The following DPRX variants were observed in gnomAD, a reference collection of about 807,000 sequenced individuals.
The protein encoded by DPRX is divergent-paired related homeobox, also known as divergent paired-related homeobox.
In DPRX, 11 loss-of-function variants were observed where a neutral mutation model predicts 8.4. The observed-to-expected ratio is 1.31, with a 90% CI of 0.82 to 2.17. The LOEUF (loss-of-function observed/expected upper bound fraction) is 2.17. Among genes scored for constraint, DPRX ranks in the 30% most tolerant of loss-of-function variants. The pLI is 0.00. For synonymous variants in DPRX, 72 were observed against 87.0 expected, an observed-to-expected ratio of 0.83 and a Z score of 0.96; for missense variants, 211 against 236.7, an observed-to-expected ratio of 0.89 and a Z score of 0.71.
chr19:53,631,112 G>T (rs906435685), upstream of DPRX, among the ~76,000 whole-genome samples: 6 of 151,890 alleles, frequency 4.0e-5, no homozygotes, highest in Non-Finnish European at 5.9e-5. Flanking sequence ...CTCCCAAAGT[G>T]CTGGGATTAC....
the DPRX span, among the ~76,000 whole-genome samples, chr19:53,617,955 T>C: frequency 6.6e-6 from 1 of 151,808 alleles, no homozygotes; most frequent in Non-Finnish European, 1.5e-5. Flanking sequence ...CTGGCCACCA[T>C]GTTGAAACCC....
chr19:53,601,473 A>C, the DPRX span: 14 of 381,194 alleles, frequency 3.7e-5, no homozygotes, highest in Non-Finnish European at 6.7e-5. Context: ...TCGCATATTC[A>C]ATGCCTATTC....
At chr19:53,624,735 G>A in the DPRX span, among the ~76,000 whole-genome samples, 1 of 150,768 alleles carries the variant, frequency 6.6e-6, no homozygotes, top group South Asian at 2.1e-4. Flanking sequence ...ACACCTACTC[G>A]GGAAACTGAG....
the DPRX span, among the ~76,000 whole-genome samples, chr19:53,626,342 G>T: frequency 1.3e-5 from 2 of 152,252 alleles, no homozygotes; most frequent in Middle Eastern, 3.4e-3. Context: ...GCCTCCCACA[G>T]TGCTGGGATT....
chr19:53,603,001 G>GTA, the DPRX span, among the ~76,000 whole-genome samples: 1 of 139,192 alleles, frequency 7.2e-6, no homozygotes, highest in Non-Finnish European at 1.6e-5. Flanking sequence ...GTGTGTATAT[G>GTA]TATGTGTGTG....
intron 2 of DPRX, among the ~76,000 whole-genome samples, chr19:53,635,821 C>T (rs1253808137): frequency 2.0e-5 from 3 of 152,154 alleles, no homozygotes; most frequent in Non-Finnish European, 4.4e-5. Flanking sequence ...GATACAAAGA[C>T]AGGGGGTGGT....
At chr19:53,618,328 T>G in the DPRX span, among the ~76,000 whole-genome samples, 1 of 152,034 alleles carries the variant, frequency 6.6e-6, no homozygotes, top group Non-Finnish European at 1.5e-5. Context: ...GGACAGCTGG[T>G]CAGCTTTACC....
At chr19:53,632,464 C>T (rs941064080) in intron 1 of DPRX, among the ~76,000 whole-genome samples, 1 of 49,472 alleles carries the variant, frequency 2.0e-5, no homozygotes, top group Non-Finnish European at 3.9e-5. Flanking sequence ...CCACACCTGG[C>T]TAATTTTTTT....
the DPRX span, among the ~76,000 whole-genome samples, chr19:53,623,709 C>T: frequency 7.9e-5 from 12 of 151,754 alleles, no homozygotes; most frequent in East Asian, 1.9e-4. Flanking sequence ...TTTGGGATTA[C>T]GCTTGCCAAA....
the DPRX span, among the ~76,000 whole-genome samples, chr19:53,614,391 G>A: frequency 6.6e-6 from 1 of 152,114 alleles, no homozygotes; most frequent in African/African-American, 2.4e-5. Flanking sequence ...TCCAGCCTGG[G>A]TGAAAGAGGA....
At chr19:53,606,809 T>C in the DPRX span, 3 of 152,064 alleles carry the variant, frequency 2.0e-5, no homozygotes, top group Non-Finnish European at 4.4e-5. This position sits in a 1 kb window ranked among gnomAD's most constrained non-coding sequence, Gnocchi z 4.8. Context: ...GCCAGGAAAA[T>C]GCACGGAAGT....
the DPRX span, among the ~76,000 whole-genome samples, chr19:53,623,306 C>CAAAA: frequency 6.8e-3 from 525 of 77,752 alleles, 7 homozygotes; most frequent in African/African-American, 0.015. Context: ...GACTCTGTCT[C>CAAAA]AAAAAAATAA....
At chr19:53,605,209 C>G in the DPRX span, among the ~76,000 whole-genome samples, 2 of 152,052 alleles carry the variant, frequency 1.3e-5, no homozygotes, top group East Asian at 1.9e-4. Context: ...GAGTGAGATC[C>G]TGTCTCAACA....
upstream of DPRX, among the ~76,000 whole-genome samples, chr19:53,627,212 A>G (rs11667175): frequency 0.29 from 43,503 of 151,862 alleles, 6,439 homozygotes; most frequent in East Asian, 0.37. Flanking sequence ...GAATGATAAT[A>G]TACAGCTGTC....
At chr19:53,635,490 G>A (rs1483867018) in intron 2 of DPRX, among the ~76,000 whole-genome samples, 1 of 152,000 alleles carries the variant, frequency 6.6e-6, no homozygotes, top group African/African-American at 2.4e-5. Flanking sequence ...ACAGGTGTGT[G>A]GTACTACAGC....
the DPRX span, chr19:53,602,090 G>A: frequency 4.4e-6 from 2 of 456,732 alleles, no homozygotes; most frequent in South Asian, 1.5e-5. Context: ...CCGCTGCGAT[G>A]TAGATCAGCT....
the DPRX span, chr19:53,617,260 C>A: frequency 3.1e-5 from 23 of 745,362 alleles, no homozygotes; most frequent in Admixed American, 3.2e-4. Flanking sequence ...GGTTAGAGTG[C>A]CTTTAAGAAG....
chr19:53,632,043 C>T (rs758799267), upstream of DPRX: 20 of 1,609,204 alleles, frequency 1.2e-5, no homozygotes, highest in Admixed American at 3.3e-5. Flanking sequence ...TACTTAAATC[C>T]GGATTTGATC....
At chr19:53,608,552 T>C in the DPRX span, 1 of 152,234 alleles carries the variant, frequency 6.6e-6, no homozygotes, top group Non-Finnish European at 1.5e-5. Flanking sequence ...GCCTAAAGGG[T>C]GCAGGGTTTC....
Sources: allele counts gnomAD v4.1 joint callset (sites outside exome capture counted in the v4.1 genomes callset), GRCh38; gene constraint gnomAD v4.1.1; non-coding constraint Gnocchi (gnomAD v3.1); transcripts MANE v1.5; gene names NCBI Gene and HGNC (gene_info 2026-07-23, HGNC 2026-07-21).